GNB1L: variants seen among roughly 807,000 people sequenced by gnomAD.
GNB1L encodes the protein G protein subunit beta 1 like, also known as guanine nucleotide-binding protein subunit beta-like protein 1.
Under a neutral mutation model 29.1 loss-of-function variants are expected in GNB1L, and 20 were observed. That is an observed-to-expected ratio of 0.69 (90% CI 0.48 to 1.00). GNB1L has a LOEUF of 1.00. GNB1L is among the 50% of genes least tolerant of loss of function. GNB1L has a pLI of 0.00. For synonymous variants in GNB1L, 193 were observed against 206.5 expected (o/e 0.93, Z 0.56); for missense variants, 421 against 464.9 (o/e 0.91, Z 0.87).
chr22:19,851,079 A>C, intron 2 of GNB1L: 4 of 1,477,616 alleles, frequency 2.7e-6, no homozygotes, highest in Non-Finnish European at 3.6e-6. Context: ...TGGGGACACC[A>C]CTCTGCTCTG....
At chr22:19,848,288 C>A (rs1385328404) in intron 2 of GNB1L, 2 of 985,362 alleles carry the variant, frequency 2.0e-6, no homozygotes, top group South Asian at 4.7e-5. Context: ...CATGGCCCGT[C>A]CCTGAGCATG....
intron 2 of GNB1L, chr22:19,846,403 C>A (rs13164): frequency 1.0e-6 from 1 of 983,186 alleles, no homozygotes; most frequent in Non-Finnish European, 1.2e-6. Context: ...CAACTGGGCA[C>A]TGCCTACTCA....
In GNB1L at chr22:19,784,938, G is replaced by C. The variant is rs988575697; in HGVS notation, c.*3771C>G. On this transcript the variant is annotated 3_prime_UTR_variant, in exon 8 of 8. Transcript: ENST00000329517. The stretch of plus-strand genomic sequence containing the variant: ...CCTGCTGGCTGTGAAGACACCACCA[G>C]GCGGACAGTGCCCAGGGCTGGGGCT... 6.6e-6 allele frequency: 1 copy of C among 152,308 alleles called. No individual in the cohort carries two copies. Among genetic ancestry groups the C allele is most frequent in the African/African-American group, 2.4e-5 (1 of 41,464 alleles). 9.4% of individuals were successfully genotyped at this position (152,308 alleles called of 1,614,324 possible). A position where few individuals can be genotyped will look rare whatever the true frequency, so the allele number is the denominator to read the frequency against.
In GNB1L at chr22:19,783,363, G is replaced by A. The variant is rs9680615; in HGVS notation, c.*5346C>T. On this transcript the variant is annotated 3_prime_UTR_variant, in exon 8 of 8. Coordinates refer to ENST00000329517, the MANE Select transcript of GNB1L (RefSeq NM_053004.3). ...CAAGTGTGCATGCAAGAGGTGGCAGGGGACAGATGTGCTGCTGTTCCCAGG... is the reference window on the plus strand; with the variant it reads ...CAAGTGTGCATGCAAGAGGTGGCAGAGGACAGATGTGCTGCTGTTCCCAGG... 0.13 allele frequency: 45,628 copies of A among 358,904 alleles called. 3,471 individuals are homozygous for A. The highest frequency in any genetic ancestry group is 0.17 in the Non-Finnish European group (30,817 of 183,606). 22.2% of individuals were successfully genotyped at this position (358,904 alleles called of 1,614,324 possible).
rs1010934033 is a variant in GNB1L, at chr22:19,786,865, A to T, written c.*1844T>A. 12 of 152,268 alleles carry T rather than the reference A, an allele frequency of 7.9e-5. No individual in the cohort carries two copies. Among genetic ancestry groups the T allele is most frequent in the African/African-American group, 2.9e-4 (12 of 41,428 alleles). The allele number at this position is 152,268 out of a possible 1,614,324, so 9.4% of individuals were successfully genotyped here. A position where few individuals can be genotyped will look rare whatever the true frequency, so the allele number is the denominator to read the frequency against. Reference sequence around the variant, plus strand: ...TCAGTGATATGAAAATACCTCCCGGAGTGCCCTACGCATCCTGGCGGCTAT... The same window carrying T: ...TCAGTGATATGAAAATACCTCCCGGTGTGCCCTACGCATCCTGGCGGCTAT... On this transcript the variant is annotated 3_prime_UTR_variant, in exon 8 of 8. Transcript: ENST00000329517.
At chr22:19,851,988 G>A in intron 2 of GNB1L, 2 of 1,614,170 alleles carry the variant, frequency 1.2e-6, no homozygotes, top group South Asian at 1.1e-5. Context: ...TCCACCCTGT[G>A]GGGTCGGGAG....
At chr22:19,839,854 T>C (rs564870732) in intron 2 of GNB1L, among the ~76,000 whole-genome samples, 31 of 151,960 alleles carry the variant, frequency 2.0e-4, no homozygotes, top group African/African-American at 7.2e-4. Context: ...CACTCCAGCC[T>C]GGGCAACAGA....
rs1937166675 is a variant in GNB1L at position 19,783,901 on chromosome 22, G to A, written c.*4808C>T. On this transcript the variant is annotated 3_prime_UTR_variant, in exon 8 of 8. Transcript: ENST00000329517. The stretch of plus-strand genomic sequence containing the variant: ...CTGGGGAAGCTGACAGAGTGACAGA[G>A]GGTCTCAAGGACTCTCCACCCACAA... 1 of 152,332 alleles carries A rather than the reference G, an allele frequency of 6.6e-6. No homozygotes were observed. Among genetic ancestry groups the A allele is most frequent in the Admixed American group, 6.5e-5 (1 of 15,288 alleles). The allele number at this position is 152,332 out of a possible 1,614,324, so 9.4% of individuals were successfully genotyped here. A position where few individuals can be genotyped will look rare whatever the true frequency, so the allele number is the denominator to read the frequency against.
intron 5 of GNB1L, among the ~76,000 whole-genome samples, chr22:19,811,500 C>T (rs1181617177): frequency 6.6e-6 from 1 of 152,152 alleles, no homozygotes; most frequent in Non-Finnish European, 1.5e-5. Context: ...AGAGCTGAGC[C>T]TCCAGCCACA....
chr22:19,818,100 C>T (rs1242635576), intron 4 of GNB1L, among the ~76,000 whole-genome samples: 1 of 152,224 alleles, frequency 6.6e-6, no homozygotes, highest in Admixed American at 6.5e-5. Flanking sequence ...GCACCTGGCA[C>T]TCCACACCTG....
At chr22:19,826,397 G>C (rs1937619876) in intron 2 of GNB1L, among the ~76,000 whole-genome samples, 1 of 152,222 alleles carries the variant, frequency 6.6e-6, no homozygotes, top group South Asian at 2.1e-4. Context: ...AGAAGTGCAA[G>C]GTTGTAGTCA....
chr22:19,821,893 G>A (rs989162072), intron 2 of GNB1L, among the ~76,000 whole-genome samples: 11 of 152,170 alleles, frequency 7.2e-5, no homozygotes, highest in Non-Finnish European at 1.5e-5. Context: ...GGGCTTGGCT[G>A]AGTCCCGCCC....
At chr22:19,831,260 G>A (rs985705209) in intron 2 of GNB1L, among the ~76,000 whole-genome samples, 2 of 151,786 alleles carry the variant, frequency 1.3e-5, no homozygotes. Context: ...AGCTACTCGG[G>A]AGGCTGAGGC....
At chr22:19,822,282 C>T (rs1490630423) in intron 2 of GNB1L, among the ~76,000 whole-genome samples, 8 of 152,060 alleles carry the variant, frequency 5.3e-5, no homozygotes, top group Non-Finnish European at 1.0e-4. Context: ...GCAGAGTCGC[C>T]GTGCGGCTCC....
rs1476616424 is a variant in GNB1L at position 19,820,723 on chromosome 22, C to A, written c.129G>T (p.Gly43=). ...AGATGTGTACCAGGCCACTCTGAGA[C>A]CTGTTTCAGACAAGCCGAGCAGGGT... ...QAQGRPLLFS[G]SQSGLVHIWS... The change falls in exon 4 of 8, where the codon GGG becomes GGT. Residue 43 remains glycine (G), a splice_region_variant and synonymous_variant. Transcript: ENST00000329517. 1.2e-6 allele frequency: 2 copies of A among 1,610,144 alleles called. No individual in the cohort carries two copies. The highest frequency in any genetic ancestry group is 1.7e-6 in the Non-Finnish European group (2 of 1,177,148).
intron 2 of GNB1L, among the ~76,000 whole-genome samples, chr22:19,835,846 G>A (rs1024769352): frequency 6.6e-6 from 1 of 152,128 alleles, no homozygotes; most frequent in Non-Finnish European, 1.5e-5. Flanking sequence ...AGGGAAATTA[G>A]AAAATATCTA....
At chr22:19,796,978 G>A (rs996385032) in intron 7 of GNB1L, among the ~76,000 whole-genome samples, 20 of 152,238 alleles carry the variant, frequency 1.3e-4, no homozygotes, top group African/African-American at 3.6e-4. Flanking sequence ...ATCATCACAA[G>A]CAGTCCAAAA....
chr22:19,807,832 C>G (rs1373338713), intron 5 of GNB1L, among the ~76,000 whole-genome samples: 1 of 152,204 alleles, frequency 6.6e-6, no homozygotes, highest in African/African-American at 2.4e-5. Context: ...GCTGCCCTCA[C>G]TAACCCACAC....
chr22:19,812,764 C>T (rs542720724), intron 4 of GNB1L, among the ~76,000 whole-genome samples: 6 of 152,336 alleles, frequency 3.9e-5, no homozygotes, highest in Admixed American at 2.0e-4. Context: ...TCACTGTGTG[C>T]ACCCTAAAAC....
Sources: allele counts gnomAD v4.1 joint callset (sites outside exome capture counted in the v4.1 genomes callset), GRCh38; gene constraint gnomAD v4.1.1; transcripts MANE v1.5; gene names NCBI Gene and HGNC (gene_info 2026-07-23, HGNC 2026-07-21).